WBP4: variants seen among roughly 807,000 people sequenced by gnomAD.
The protein encoded by WBP4 is WW domain binding protein 4, also known as WW domain-binding protein 4.
In WBP4, 37 loss-of-function variants were observed where a neutral mutation model predicts 55.4. That is an observed-to-expected ratio of 0.67 (90% confidence interval 0.51 to 0.88). WBP4 has a LOEUF of 0.88. WBP4 is among the 40% of genes least tolerant of loss of function. The probability of loss-of-function intolerance (pLI) is 0.00; values close to 1 mark genes in which losing one functional copy is unlikely to be tolerated. For missense variants in WBP4, 398 were observed against 420.8 expected (o/e 0.95, Z 0.47); for synonymous variants, 142 against 140.2 (o/e 1.01, Z -0.09).
intron 8 of WBP4, among the ~76,000 whole-genome samples, chr13:41,076,554 T>A (rs997717210): frequency 6.6e-6 from 1 of 152,140 alleles, no homozygotes; most frequent in Non-Finnish European, 1.5e-5. Context: ...GTGCTGGGAT[T>A]ACAGGCGTGC....
rs919704478 is a variant in WBP4 at position 41,068,711 on chromosome 13, A to G, written c.413A>G (p.His138Arg). Residue 138 changes from histidine (H) to arginine (R), a missense_variant, in exon 5 of 10, where the codon CAT becomes CGT. By Grantham distance (29) the His-to-Arg change is conservative. Transcript: ENST00000379487. ...WVEGITSEGY[H>R]YYYDLISGAS... ...GAAGGCATAACCTCTGAGGGTTACC[A>G]TTACTATTATGATCTTATCTCAGGA... is the stretch of plus-strand genomic sequence containing the variant. 5.0e-6 allele frequency: 8 copies of G among 1,608,136 alleles called. No individual in the cohort carries two copies. Among genetic ancestry groups the G allele is most frequent in the African/African-American group, 2.7e-5 (2 of 74,382 alleles).
chr13:41,071,489 C>G (rs1467142688), intron 5 of WBP4, 38 bp from the exon 6 acceptor site: 1 of 1,566,380 alleles, frequency 6.4e-7, no homozygotes, highest in Non-Finnish European at 8.6e-7. Flanking sequence ...TTTTTTAAAG[C>G]AAAAAGATTT....
At chr13:41,071,201 G>A (rs536659089) in intron 5 of WBP4, among the ~76,000 whole-genome samples, 2 of 152,088 alleles carry the variant, frequency 1.3e-5, no homozygotes, top group South Asian at 4.1e-4. Flanking sequence ...ACTCTCCCTT[G>A]CCCCAAGATA....
intron 6 of WBP4, among the ~76,000 whole-genome samples, chr13:41,072,071 C>CTGATATCT (rs1242475288): frequency 1.4e-5 from 2 of 146,736 alleles, no homozygotes; most frequent in African/African-American, 5.0e-5. Flanking sequence ...AAAAAAAGTA[C>CTGATATCT]TGATATCTAT....
intron 4 of WBP4, 60 bp downstream of exon 4, chr13:41,065,347 A>C (rs1877926632): frequency 1.3e-6 from 2 of 1,503,670 alleles, no homozygotes; most frequent in Non-Finnish European, 1.8e-6. Flanking sequence ...TCAGAGGTCA[A>C]GCTAAGTAAG....
intron 5 of WBP4, among the ~76,000 whole-genome samples, chr13:41,070,599 A>G (rs1261569717): frequency 1.3e-5 from 2 of 152,058 alleles, no homozygotes; most frequent in Non-Finnish European, 2.9e-5. Flanking sequence ...TACCTACAGA[A>G]TATTCATATG....
chr13:41,074,588 G>A (rs1299388453), intron 7 of WBP4, among the ~76,000 whole-genome samples: 2 of 152,178 alleles, frequency 1.3e-5, no homozygotes, highest in African/African-American at 4.8e-5. Context: ...GTGTTACTGA[G>A]CCTATAGTCA....
At chr13:41,080,010 G>T (rs1878695184) in intron 8 of WBP4, among the ~76,000 whole-genome samples, 1 of 151,192 alleles carries the variant, frequency 6.6e-6, no homozygotes, top group Admixed American at 6.6e-5. Context: ...GAGCTAAACA[G>T]TGGGCACACA....
chr13:41,065,816 C>T (rs1462220306), intron 4 of WBP4, among the ~76,000 whole-genome samples: 1 of 152,132 alleles, frequency 6.6e-6, no homozygotes, highest in African/African-American at 2.4e-5. Flanking sequence ...AACTAGACTG[C>T]ATCTATCTTG....
chr13:41,065,399 C>A, intron 4 of WBP4, 112 bp downstream of exon 4: 1 of 1,381,768 alleles, frequency 7.2e-7, no homozygotes, highest in Non-Finnish European at 9.5e-7. Flanking sequence ...TCAGTGTACT[C>A]TCAGTGCTTT....
chr13:41,070,397 A>G (rs574406006), intron 5 of WBP4, among the ~76,000 whole-genome samples: 1 of 152,070 alleles, frequency 6.6e-6, no homozygotes, highest in Non-Finnish European at 1.5e-5. Flanking sequence ...GTTTGAAAGT[A>G]TTGGGAAATA....
chr13:41,063,438 T>A (rs999923976), intron 2 of WBP4, among the ~76,000 whole-genome samples: 1 of 152,022 alleles, frequency 6.6e-6, no homozygotes, highest in African/African-American at 2.4e-5. Context: ...CTGTAGACAT[T>A]TATTTCCTGT....
At position 41,068,753 on chromosome 13, in the gene WBP4, A is replaced by G. The variant is rs779228990; in HGVS notation, c.439+16A>G. The G allele has an allele frequency of 1.9e-6, 3 of 1,547,938 alleles. No individual in the cohort carries two copies. Among genetic ancestry groups the G allele is most frequent in the South Asian group, 1.3e-5 (1 of 78,646 alleles). ...ATCTCAGGAGGTAAGTCATTTAGGC[A>G]TAAAACTGGTAAAGAACAGTGTCAC... On this transcript the variant is annotated intron_variant, in intron 5 of 9. Transcript: ENST00000379487.
Position 41,072,802 on chromosome 13 carries a change from G to T in WBP4, c.507G>T (p.Trp169Cys). 1 of 1,613,258 alleles carries T rather than the reference G, an allele frequency of 6.2e-7. No homozygotes were observed. Among genetic ancestry groups the T allele is most frequent in the South Asian group, 1.1e-5 (1 of 90,966 alleles). ...DLKKTAVKTV[W>C]VEGLSEDGFT... ...ATTAGACAGCAGTGAAGACCGTTTG[G>T]GTAGAAGGTTTAAGTGAAGATGGTT... The change falls in exon 7 of 10, where the codon TGG (tryptophan) becomes TGT (cysteine). Residue 169 changes from tryptophan (W) to cysteine (C), a missense_variant. Transcript: ENST00000379487.
chr13:41,066,943 G>A (rs1409897444), intron 4 of WBP4, among the ~76,000 whole-genome samples: 3 of 152,130 alleles, frequency 2.0e-5, no homozygotes, highest in Non-Finnish European at 2.9e-5. Flanking sequence ...TTATTAACCC[G>A]TTTTAGGAGT....
At chr13:41,069,878 CAAA>C (rs1178697602) in intron 5 of WBP4, among the ~76,000 whole-genome samples, 2 of 75,596 alleles carry the variant, frequency 2.6e-5, no homozygotes, top group Non-Finnish European at 5.6e-5. Flanking sequence ...AAGTCCATCT[CAAA>C]AAAAAAAAAA....
intron 2 of WBP4, 54 bp from the exon 3 acceptor site, chr13:41,064,962 A>C (rs899511857): frequency 1.8e-5 from 26 of 1,438,008 alleles, no homozygotes; most frequent in Middle Eastern, 4.3e-4. Flanking sequence ...TTTACTATGA[A>C]TTTTATGATG....
At chr13:41,071,782 C>G (rs568384084) in intron 6 of WBP4, among the ~76,000 whole-genome samples, 5 of 152,136 alleles carry the variant, frequency 3.3e-5, no homozygotes, top group African/African-American at 1.2e-4. Flanking sequence ...GTGGCTCATG[C>G]CTGTAATCCC....
At chr13:41,063,356 C>T (rs558503954) in intron 2 of WBP4, among the ~76,000 whole-genome samples, 2 of 152,264 alleles carry the variant, frequency 1.3e-5, no homozygotes, top group Admixed American at 1.3e-4. Context: ...TATGTTGATA[C>T]CGTTTTTACT....
Sources: gnomAD v4.1 joint callset for allele counts (sites outside exome capture counted in the v4.1 genomes callset) on GRCh38, gnomAD v4.1.1 for gene constraint, MANE v1.5 for transcripts, NCBI Gene and HGNC (gene_info 2026-07-23, HGNC 2026-07-21) for gene names.